Variants in DBF4 observed in about 807,000 individuals in gnomAD.
The protein encoded by DBF4 is DBF4-CDC7 kinase regulatory subunit.
DBF4 carries 25 observed loss-of-function variants against 76.6 expected under a neutral mutation model. That is an observed-to-expected ratio of 0.33 (90% CI 0.24 to 0.46). The LOEUF (loss-of-function observed/expected upper bound fraction) is 0.46, where lower values mean the gene tolerates loss of function less well. Among genes scored for constraint, DBF4 ranks in the 20% least tolerant of loss-of-function variants. The probability of loss-of-function intolerance (pLI) is 1.00; values close to 1 mark genes in which losing one functional copy is unlikely to be tolerated. For missense variants in DBF4, 638 were observed against 760.8 expected (o/e 0.84, Z 1.90); for synonymous variants, 213 against 258.0 (o/e 0.83, Z 1.67).
Position 87,876,517 on chromosome 7 carries a change from T to G in DBF4, c.-216T>G. On this transcript the variant is annotated 5_prime_UTR_variant, in exon 1 of 12. Coordinates refer to ENST00000265728, the MANE Select transcript of DBF4 (RefSeq NM_006716.4). ...CAAATCTTCAACCGCCGCAGCCCAC[T>G]CGTTTGTGCTTTGCGCCTTCCTCCT... is the stretch of plus-strand genomic sequence containing the variant. 1.8e-6 allele frequency: 1 copy of G among 555,038 alleles called. No individual in the cohort carries two copies. The highest frequency in any genetic ancestry group is 3.2e-6 in the Non-Finnish European group (1 of 308,976). 34.4% of individuals were successfully genotyped at this position (555,038 alleles called of 1,614,324 possible). A position where few individuals can be genotyped will look rare whatever the true frequency, so the allele number is the denominator to read the frequency against.
intron 6 of DBF4, among the ~76,000 whole-genome samples, chr7:87,892,247 C>T (rs552544955): frequency 3.3e-5 from 5 of 152,260 alleles, no homozygotes; most frequent in South Asian, 2.1e-4. Flanking sequence ...CCGTGTTTAT[C>T]CCCCCATTCC....
Position 87,897,355 on chromosome 7 carries a change from C to A in DBF4, c.680+16C>A. ...ATATGAGCCAGTAAGTATTTAAGTCCAATCTGTATGATTTAAGTGCAATAC... is the reference window on the plus strand; with the variant it reads ...ATATGAGCCAGTAAGTATTTAAGTCAAATCTGTATGATTTAAGTGCAATAC... On this transcript the variant is annotated intron_variant, in intron 8 of 11. Transcript: ENST00000265728. The A allele has an allele frequency of 4.3e-6, 7 of 1,610,238 alleles. No individual in the cohort carries two copies. Among genetic ancestry groups the A allele is most frequent in the Non-Finnish European group, 5.9e-6 (7 of 1,178,326 alleles).
Position 87,907,663 on chromosome 7 carries a change from G to T in DBF4, c.1525G>T (p.Asp509Tyr), listed in dbSNP as rs774362532. ...TGGATCTCAACCAAAACAGAAGTCA[G>T]ATACTGTGCTTTTTCCAGCAAAGGA... ...NSGSQPKQKS[D>Y]TVLFPAKDLK... The change falls in exon 12 of 12, where the codon GAT becomes TAT. Residue 509 changes from aspartate (D) to tyrosine (Y), a missense_variant. Transcript: ENST00000265728. The T allele has an allele frequency of 2.6e-5, 42 of 1,613,890 alleles. No individual in the cohort carries two copies. The highest frequency in any genetic ancestry group is 3.5e-5 in the Non-Finnish European group (41 of 1,179,944).
chr7:87,880,311 A>G (rs74546756), intron 2 of DBF4, among the ~76,000 whole-genome samples: 7,454 of 152,226 alleles, frequency 0.049, 275 homozygotes, highest in East Asian at 0.093. Context: ...GGTTTTACAT[A>G]CTTAGTCTTT....
Position 87,904,330 on chromosome 7 carries a change from T to C in DBF4, c.963T>C (p.Ser321=). The C allele has an allele frequency of 6.2e-7, 1 of 1,613,838 alleles. No individual in the cohort carries two copies. The highest frequency in any genetic ancestry group is 8.5e-7 in the Non-Finnish European group (1 of 1,179,866). Residue 321 remains serine, a synonymous_variant, in exon 11 of 12, where the codon AGT becomes AGC. Transcript: ENST00000265728. ...LSEQHRNFAQ[S]NQYQVVDDIV... is the part of the protein sequence containing the mutation. Reference sequence around the variant, plus strand: ...AGCAACACAGAAACTTTGCACAGAGTAACCAGTATCAAGTTGTTGATGATA... The same window carrying C: ...AGCAACACAGAAACTTTGCACAGAGCAACCAGTATCAAGTTGTTGATGATA...
At chr7:87,880,554 A>G (rs1839185644) in intron 2 of DBF4, among the ~76,000 whole-genome samples, 1 of 152,196 alleles carries the variant, frequency 6.6e-6, no homozygotes, top group South Asian at 2.1e-4. Context: ...TCTTCAGCAC[A>G]TTTACTGTTT....
Position 87,907,783 on chromosome 7 carries a change from G to T in DBF4, c.1645G>T (p.Ala549Ser). 6.2e-7 allele frequency: 1 copy of T among 1,613,990 alleles called. No homozygotes were observed. The highest frequency in any genetic ancestry group is 8.5e-7 in the Non-Finnish European group (1 of 1,179,942). Residue 549 changes from alanine (A) to serine (S), a missense_variant, in exon 12 of 12, where the codon GCT becomes TCT. Coordinates refer to ENST00000265728, the MANE Select transcript of DBF4 (RefSeq NM_006716.4). ...SQEHLTVQAK[A>S]PFHTPPEEPN... ...AGAGCACCTAACTGTTCAGGCAAAG[G>T]CTCCATTCCATACTCCTCCTGAGGA...
chr7:87,878,009 A>G, intron 1 of DBF4, 44 bp from the exon 2 acceptor site: 2 of 1,387,852 alleles, frequency 1.4e-6, no homozygotes, highest in Non-Finnish European at 2.0e-6. Flanking sequence ...TAAAAATAGT[A>G]AAAGTGTCTG....
chr7:87,887,010 C>T, intron 4 of DBF4, 116 bp downstream of exon 4: 3 of 704,468 alleles, frequency 4.3e-6, no homozygotes, highest in Non-Finnish European at 4.7e-6. Flanking sequence ...ACCTGAATCT[C>T]AGCATATATT....
At chr7:87,902,430 C>G (rs1273937353) in intron 10 of DBF4, among the ~76,000 whole-genome samples, 1 of 152,058 alleles carries the variant, frequency 6.6e-6, no homozygotes, top group Non-Finnish European at 1.5e-5. Flanking sequence ...AGGCGGACAT[C>G]CCTACCCTTA....
chr7:87,894,802 A>G (rs1440320455), intron 6 of DBF4, among the ~76,000 whole-genome samples: 1 of 152,072 alleles, frequency 6.6e-6, no homozygotes, highest in African/African-American at 2.4e-5. Flanking sequence ...ATTTATATCT[A>G]CTGTATCATT....
At chr7:87,899,670 C>T (rs1839722115) in intron 8 of DBF4, among the ~76,000 whole-genome samples, 1 of 152,170 alleles carries the variant, frequency 6.6e-6, no homozygotes, top group Admixed American at 6.5e-5. Context: ...TGTGTACACA[C>T]ACTCAATGGA....
chr7:87,902,056 C>G (rs971017556), intron 10 of DBF4, among the ~76,000 whole-genome samples: 6 of 152,112 alleles, frequency 3.9e-5, no homozygotes, highest in African/African-American at 1.4e-4. Flanking sequence ...ATTTCCCCTT[C>G]CTGAAAATAA....
At chr7:87,900,731 A>G in intron 9 of DBF4, 33 bp from the exon 10 acceptor site, 2 of 1,540,580 alleles carry the variant, frequency 1.3e-6, no homozygotes, top group Non-Finnish European at 1.8e-6. Context: ...TAGGTTCAGC[A>G]GTTAATTCTT....
chr7:87,883,301 G>A (rs766539193), intron 2 of DBF4, among the ~76,000 whole-genome samples: 1 of 152,092 alleles, frequency 6.6e-6, no homozygotes, highest in Non-Finnish European at 1.5e-5. Context: ...TGTTTAATGG[G>A]TACAGACTTT....
intron 3 of DBF4, 58 bp downstream of exon 3, chr7:87,885,216 G>T: frequency 1.4e-6 from 2 of 1,400,202 alleles, no homozygotes; most frequent in Non-Finnish European, 1.9e-6. Context: ...AGATCTCCTG[G>T]TTTTTAATAG....
rs1183001610 is a variant in DBF4, at chr7:87,876,763, A to G, written c.31A>G (p.Lys11Glu). ...CTCCGGAGCCATGAGGATCCACAGT[A>G]AAGGACATTTCCAGGGTAAGAAGCC... MNSGAMRIHS[K>E]GHFQGGIQVK... Residue 11 changes from lysine to glutamate, a missense_variant, in exon 1 of 12, where the codon AAA (lysine) becomes GAA (glutamate). Coordinates refer to ENST00000265728, the MANE Select transcript of DBF4 (RefSeq NM_006716.4). The G allele has an allele frequency of 1.9e-6, 3 of 1,614,158 alleles. No individual in the cohort carries two copies. The highest frequency in any genetic ancestry group is 1.7e-5 in the Admixed American group (1 of 60,026).
chr7:87,887,975 T>C lies in DBF4; in HGVS notation c.521-8T>C. ...GCTAATCTTAAAACCTTCTTTCTTTTAATAAAGACATTAGATACTACATTG... is the reference window on the plus strand; with the variant it reads ...GCTAATCTTAAAACCTTCTTTCTTTCAATAAAGACATTAGATACTACATTG... On this transcript the variant is annotated splice_polypyrimidine_tract_variant and splice_region_variant and intron_variant, in intron 5 of 11. Coordinates refer to ENST00000265728, the MANE Select transcript of DBF4 (RefSeq NM_006716.4). 6.5e-7 allele frequency: 1 copy of C among 1,535,192 alleles called. No homozygotes were observed. The highest frequency in any genetic ancestry group is 8.8e-7 in the Non-Finnish European group (1 of 1,142,650).
At position 87,876,561 on chromosome 7, in the gene DBF4, T is replaced by G; in HGVS notation, c.-172T>G. ...TCCTCCTCCGCGCCTTGGAGCCGGATCCGGCCCCGGAAACCCGACCTGCAG... is the reference window on the plus strand; with the variant it reads ...TCCTCCTCCGCGCCTTGGAGCCGGAGCCGGCCCCGGAAACCCGACCTGCAG... On this transcript the variant is annotated 5_prime_UTR_variant, in exon 1 of 12. Transcript: ENST00000265728. 3.0e-6 allele frequency: 2 copies of G among 668,884 alleles called. No homozygotes were observed. Among genetic ancestry groups the G allele is most frequent in the Admixed American group, 2.6e-5 (1 of 38,778 alleles). 41.4% of individuals were successfully genotyped at this position (668,884 alleles called of 1,614,324 possible). A position where few individuals can be genotyped will look rare whatever the true frequency, so the allele number is the denominator to read the frequency against.
Sources: gnomAD v4.1 joint callset for allele counts (sites outside exome capture counted in the v4.1 genomes callset) on GRCh38, gnomAD v4.1.1 for gene constraint, MANE v1.5 for transcripts, NCBI Gene and HGNC (gene_info 2026-07-23, HGNC 2026-07-21) for gene names.